CCDC178: variants seen among roughly 807,000 people sequenced by gnomAD.
CCDC178 encodes the protein coiled-coil domain-containing protein 178.
A neutral mutation model predicts 117.4 loss-of-function variants in CCDC178; 126 were observed. The observed-to-expected ratio is 1.07, with a 90% CI of 0.93 to 1.24. The LOEUF is 1.24. CCDC178 is among the 50% of genes most tolerant of loss of function. The pLI is 0.00. For synonymous variants in CCDC178, 283 were observed against 313.4 expected, an observed-to-expected ratio of 0.90 and a Z score of 1.02; for missense variants, 1,030 against 986.9, an observed-to-expected ratio of 1.04 and a Z score of -0.59.
chr18:33,428,842 G>T (rs1231222099), intron 2 of CCDC178, among the ~76,000 whole-genome samples: 1 of 141,764 alleles, frequency 7.1e-6, no homozygotes, highest in African/African-American at 2.6e-5. Context: ...AAAAAAAAAA[G>T]TTCTCAGGAC....
In CCDC178 at chr18:33,319,267, C is replaced by T. The variant is rs191490524; in HGVS notation, c.1022+4224G>A. Among the ~76,000 whole-genome samples, 69 of 152,034 alleles carry T rather than the reference C, an allele frequency of 4.5e-4. 1 individual carries two copies. Among genetic ancestry groups the T allele is most frequent in the Admixed American group, 2.9e-3 (45 of 15,268 alleles). ...CCAGGTGTTCTCGGTGTTCAATTCC[C>T]ACCGATGAGTGAGAACATGCGGTGT... On this transcript the variant is annotated intron_variant, in intron 11 of 22. Coordinates refer to ENST00000383096, the MANE Select transcript of CCDC178 (RefSeq NM_001105528.4).
chr18:33,274,681 A>C (rs2059926953), intron 12 of CCDC178, among the ~76,000 whole-genome samples: 1 of 152,072 alleles, frequency 6.6e-6, no homozygotes. Flanking sequence ...TATATTTTAC[A>C]TACCAAACAA....
intron 11 of CCDC178, among the ~76,000 whole-genome samples, chr18:33,313,489 T>C (rs1475127873): frequency 6.6e-6 from 1 of 152,198 alleles, no homozygotes; most frequent in Non-Finnish European, 1.5e-5. Flanking sequence ...TCAAAAGTCC[T>C]GACCATCCAG....
chr18:33,360,693 G>T (rs1165896983), intron 6 of CCDC178, among the ~76,000 whole-genome samples: 4 of 151,476 alleles, frequency 2.6e-5, no homozygotes, highest in Non-Finnish European at 5.9e-5. Flanking sequence ...AAAACTAGTA[G>T]CATTTTTATA....
chr18:33,304,614 T>G (rs768792904), intron 11 of CCDC178, among the ~76,000 whole-genome samples: 3 of 152,222 alleles, frequency 2.0e-5, no homozygotes, highest in African/African-American at 4.8e-5. Context: ...TAGCTGAATT[T>G]CAACCCTTCT....
rs8092795 is a variant in CCDC178 at position 32,991,196 on chromosome 18, G to A, written c.2389-16515C>T. ...TAATATACTACATAGTGGTAAAGCCGGTATTCAAATTCATGACTGTCTGAC... is the reference window on the plus strand; with the variant it reads ...TAATATACTACATAGTGGTAAAGCCAGTATTCAAATTCATGACTGTCTGAC... On this transcript the variant is annotated intron_variant, in intron 21 of 22. Transcript: ENST00000383096. Among the ~76,000 whole-genome samples the A allele has an allele frequency of 9.9e-3, 1,505 of 152,136 alleles. 22 individuals carry two copies. The highest frequency in any genetic ancestry group is 0.032 in the African/African-American group (1,313 of 41,492).
At chr18:33,075,672 T>C (rs1012946534) in intron 21 of CCDC178, among the ~76,000 whole-genome samples, 2 of 152,176 alleles carry the variant, frequency 1.3e-5, no homozygotes, top group African/African-American at 4.8e-5. Context: ...TCCTTTAAAA[T>C]TATGTAGTTA....
At chr18:32,986,837 G>A (rs957921677) in intron 21 of CCDC178, among the ~76,000 whole-genome samples, 1 of 151,978 alleles carries the variant, frequency 6.6e-6, no homozygotes, top group African/African-American at 2.4e-5. Context: ...TATGTCTGAA[G>A]TTCAGAAGTC....
At chr18:33,434,521 C>T (rs1433690252) in intron 2 of CCDC178, among the ~76,000 whole-genome samples, 1 of 152,070 alleles carries the variant, frequency 6.6e-6, no homozygotes, top group Non-Finnish European at 1.5e-5. Flanking sequence ...TGCTATCATA[C>T]CACAGTCAGT....
At chr18:33,188,498 T>C (rs1026904591) in intron 20 of CCDC178, among the ~76,000 whole-genome samples, 14 of 152,028 alleles carry the variant, frequency 9.2e-5, no homozygotes, top group Non-Finnish European at 1.3e-4. Flanking sequence ...GCAGGAAAGA[T>C]GAAACAAATG....
intron 15 of CCDC178, among the ~76,000 whole-genome samples, chr18:33,231,091 T>C (rs2059362666): frequency 6.6e-6 from 1 of 152,232 alleles, no homozygotes; most frequent in Non-Finnish European, 1.5e-5. Context: ...TTAATTACAA[T>C]GGGGAAATGA....
intron 20 of CCDC178, 71 bp downstream of exon 20, chr18:33,211,825 T>C: frequency 7.7e-7 from 1 of 1,294,744 alleles, no homozygotes; most frequent in Non-Finnish European, 1.1e-6. Flanking sequence ...ATAAAAATTG[T>C]CTCAAACTAG....
At chr18:32,981,634 A>G (rs1330414335) in intron 21 of CCDC178, among the ~76,000 whole-genome samples, 2 of 152,176 alleles carry the variant, frequency 1.3e-5, no homozygotes, top group East Asian at 1.9e-4. Context: ...ATTTATTATA[A>G]TTTGTTTGTT....
At chr18:33,002,977 G>A (rs1257318573) in intron 21 of CCDC178, among the ~76,000 whole-genome samples, 1 of 152,022 alleles carries the variant, frequency 6.6e-6, no homozygotes, top group African/African-American at 2.4e-5. Context: ...ATTGAACCAC[G>A]AAGAAAGCCA....
At chr18:33,034,253 GA>G (rs1437345376) in intron 21 of CCDC178, among the ~76,000 whole-genome samples, 1 of 151,874 alleles carries the variant, frequency 6.6e-6, no homozygotes, top group African/African-American at 2.4e-5. Flanking sequence ...TCTTGTCTGG[GA>G]AACATTGCAA....
chr18:33,354,091 C>T (rs1230871972), intron 7 of CCDC178, among the ~76,000 whole-genome samples: 1 of 152,074 alleles, frequency 6.6e-6, no homozygotes, highest in African/African-American at 2.4e-5. Context: ...TTTCTTCTGG[C>T]ATTTAAATAT....
intron 2 of CCDC178, among the ~76,000 whole-genome samples, chr18:33,425,170 A>G (rs917605417): frequency 2.0e-5 from 3 of 152,240 alleles, no homozygotes; most frequent in African/African-American, 7.2e-5. Flanking sequence ...AAGGTTAAAC[A>G]TAACAAATAA....
chr18:33,176,929 T>C (rs1290699438), intron 20 of CCDC178, among the ~76,000 whole-genome samples: 1 of 152,212 alleles, frequency 6.6e-6, no homozygotes, highest in African/African-American at 2.4e-5. Context: ...CACATCTCAC[T>C]TATACTTTTC....
At chr18:33,277,830 G>A (rs2059968490) in intron 12 of CCDC178, among the ~76,000 whole-genome samples, 1 of 152,016 alleles carries the variant, frequency 6.6e-6, no homozygotes, top group South Asian at 2.1e-4. Flanking sequence ...TTACAATCCA[G>A]GATAATCTCC....
Sources: gnomAD v4.1 joint callset for allele counts (sites outside exome capture counted in the v4.1 genomes callset) on GRCh38, gnomAD v4.1.1 for gene constraint, MANE v1.5 for transcripts, NCBI Gene and HGNC (gene_info 2026-07-23, HGNC 2026-07-21) for gene names.